The following MACF1 variants were observed in gnomAD, a reference collection of about 807,000 sequenced individuals.
MACF1 encodes microtubule actin crosslinking factor 1.
MACF1 carries 193 observed loss-of-function variants against 854.8 expected under a neutral mutation model. The observed-to-expected ratio is 0.23, with a 90% CI of 0.20 to 0.25. MACF1 has a LOEUF of 0.25. MACF1 is among the 10% of genes least tolerant of loss of function. MACF1 has a pLI of 1.00. For missense variants in MACF1, 7,722 were observed against 8,929.1 expected, an observed-to-expected ratio of 0.86 and a Z score of 5.45; for synonymous variants, 3,185 against 3,226.7, an observed-to-expected ratio of 0.99 and a Z score of 0.44.
intron 66 of MACF1, among the ~76,000 whole-genome samples, chr1:39,431,313 A>G (rs993331611): frequency 1.3e-5 from 2 of 152,260 alleles, no homozygotes; most frequent in Admixed American, 1.3e-4. Context: ...TATGCAAACC[A>G]AAATAGCAGA....
In MACF1 at chr1:39,455,110, C is replaced by G. The variant is rs369999308; in HGVS notation, c.21075+13C>G. The G allele has an allele frequency of 6.2e-7, 1 of 1,611,516 alleles. No individual in the cohort carries two copies. The highest frequency in any genetic ancestry group is 2.2e-5 in the East Asian group (1 of 44,854). ...CGCTGAGCATCAGGTATCTTAACCT[C>G]ACTGTGTGATCACTGGTGTTTTCCG... is the stretch of plus-strand genomic sequence containing the variant. On this transcript the variant is annotated intron_variant, in intron 89 of 100. Transcript: ENST00000564288.
At chr1:39,329,301 A>G (rs1338947207) in intron 36 of MACF1, among the ~76,000 whole-genome samples, 1 of 152,192 alleles carries the variant, frequency 6.6e-6, no homozygotes, top group Non-Finnish European at 1.5e-5. Context: ...TTCATTTGCT[A>G]TCCATTCTGT....
In MACF1 at chr1:39,362,963, A is replaced by G. The variant is rs528773963; in HGVS notation, c.12771+1286A>G. ...AACCCTAGTTCCCAGCAACTTTAATATATTTACTTATTTGTTTTATTCTAC... is the reference window on the plus strand; with the variant it reads ...AACCCTAGTTCCCAGCAACTTTAATGTATTTACTTATTTGTTTTATTCTAC... On this transcript the variant is annotated intron_variant, in intron 49 of 100. Coordinates refer to ENST00000564288, the MANE Select transcript of MACF1 (RefSeq NM_001394062.1). 4.6e-5 allele frequency among the ~76,000 whole-genome samples: 7 copies of G among 152,242 alleles called. No individual in the cohort carries two copies. The East Asian group carries it at 1.3e-3, about 29-fold the overall frequency.
chr1:39,120,314 G>A (rs1642666976), intron 2 of MACF1, among the ~76,000 whole-genome samples: 1 of 151,970 alleles, frequency 6.6e-6, no homozygotes, highest in African/African-American at 2.4e-5. Flanking sequence ...CCTGACTCCT[G>A]GAACTCCCTG....
At chr1:39,167,848 T>C in intron 2 of MACF1, among the ~76,000 whole-genome samples, 1 of 146,250 alleles carries the variant, frequency 6.8e-6, no homozygotes, top group East Asian at 2.0e-4. Context: ...CACTCCAGCC[T>C]GGGCAACAGG....
At chr1:39,410,587 G>A (rs1340568054) in intron 58 of MACF1, 7 of 1,614,050 alleles carry the variant, frequency 4.3e-6, no homozygotes, top group Non-Finnish European at 5.9e-6. Flanking sequence ...AAGCAGTGAT[G>A]TGCAGAAGTC....
At chr1:39,327,071 A>C in intron 35 of MACF1, 147 bp from the exon 36 acceptor site, 5 of 716,122 alleles carry the variant, frequency 7.0e-6, no homozygotes, top group Non-Finnish European at 8.9e-6. Flanking sequence ...GATAAACAGA[A>C]GAACTGACTG....
rs12084104 is a variant in MACF1, at chr1:39,252,989, C to T, written c.357+1048C>T. 4.8e-3 allele frequency among the ~76,000 whole-genome samples: 737 copies of T among 152,250 alleles called. 5 individuals are homozygous for T. The highest frequency in any genetic ancestry group is 0.017 in the African/African-American group (710 of 41,548). On this transcript the variant is annotated intron_variant, in intron 4 of 100. Coordinates refer to ENST00000564288, the MANE Select transcript of MACF1 (RefSeq NM_001394062.1). ...TCTGCAGACACCCGCAACAGAGCTA[C>T]CTTATATTTTATCAGCCTTTAATTA...
intron 2 of MACF1, among the ~76,000 whole-genome samples, chr1:39,179,744 G>A (rs1644079702): frequency 6.6e-6 from 1 of 152,164 alleles, no homozygotes; most frequent in African/African-American, 2.4e-5. Flanking sequence ...GCCAGGCGCG[G>A]TGGCTCATGT....
intron 44 of MACF1, among the ~76,000 whole-genome samples, 176 bp downstream of exon 44, chr1:39,353,407 T>C (rs78252095): frequency 6.6e-6 from 1 of 152,314 alleles, no homozygotes; most frequent in East Asian, 1.9e-4. Flanking sequence ...TCCCTTGGTT[T>C]CCATAATACT....
At chr1:39,482,148 G>T (rs766615315) in intron 99 of MACF1, among the ~76,000 whole-genome samples, 6 of 151,982 alleles carry the variant, frequency 3.9e-5, no homozygotes, top group African/African-American at 1.5e-4. Flanking sequence ...ATTTCATTTT[G>T]AGGCTTCATC....
At chr1:39,301,679 A>G (rs1221273532) in intron 22 of MACF1, among the ~76,000 whole-genome samples, 1 of 135,866 alleles carries the variant, frequency 7.4e-6, no homozygotes, top group Non-Finnish European at 1.6e-5. Flanking sequence ...CCTGCCTCAG[A>G]CTCCCAAAGT....
intron 1 of MACF1, among the ~76,000 whole-genome samples, chr1:39,219,051 G>C (rs1284449772): frequency 3.3e-5 from 5 of 152,210 alleles, no homozygotes; most frequent in Non-Finnish European, 5.9e-5. Context: ...AAAGTGCTGG[G>C]ATTACAGGCA....
At position 39,333,333 on chromosome 1, in the gene MACF1, A is replaced by T; in HGVS notation, c.6745A>T (p.Ile2249Phe). The T allele has an allele frequency of 3.7e-6, 6 of 1,614,104 alleles. No individual in the cohort carries two copies. The highest frequency in any genetic ancestry group is 5.1e-6 in the Non-Finnish European group (6 of 1,180,032). ...TAAAGAAAGTCAAGAAGCACAGAAC[A>T]TCGCAGGTGGTAGTATGATGATGTC... Reference protein sequence around the residue: ...DHKESQEAQNIAGGSMMMSEK... With the variant: ...DHKESQEAQNFAGGSMMMSEK... Residue 2249 changes from isoleucine to phenylalanine, a missense_variant, in exon 37 of 101, where the codon ATC becomes TTC. Transcript: ENST00000564288.
At chr1:39,136,770 A>G (rs1056529140) in intron 2 of MACF1, among the ~76,000 whole-genome samples, 8 of 152,214 alleles carry the variant, frequency 5.3e-5, no homozygotes, top group African/African-American at 1.9e-4. Flanking sequence ...ATATGTACAT[A>G]TTACTAAAGA....
intron 2 of MACF1, among the ~76,000 whole-genome samples, chr1:39,182,579 A>G (rs1333142747): frequency 2.0e-5 from 3 of 152,230 alleles, no homozygotes; most frequent in African/African-American, 7.2e-5. Flanking sequence ...AAGATATACA[A>G]ATGGCTAATA....
chr1:39,198,266 T>TGG (rs1644347216), intron 2 of MACF1, among the ~76,000 whole-genome samples: 2 of 152,066 alleles, frequency 1.3e-5, no homozygotes, highest in South Asian at 4.2e-4. Flanking sequence ...CCCAGCAGTT[T>TGG]GGGAGGCCCA....
At chr1:39,101,848 AAGGG>A (rs917398568) in intron 2 of MACF1, among the ~76,000 whole-genome samples, 2 of 143,230 alleles carry the variant, frequency 1.4e-5, no homozygotes, top group African/African-American at 5.1e-5. Flanking sequence ...GAAAGAAAGA[AAGGG>A]AGGGAGGGAG....
rs1242104856 is a variant in MACF1, at chr1:39,374,141, C to T, written c.13213+1545C>T. Among the ~76,000 whole-genome samples the T allele has an allele frequency of 3.3e-5, 5 of 151,880 alleles. No individual in the cohort carries two copies. The South Asian group carries it at 1.0e-3, about 32-fold the overall frequency. On this transcript the variant is annotated intron_variant, in intron 52 of 100. Coordinates refer to ENST00000564288, the MANE Select transcript of MACF1 (RefSeq NM_001394062.1). ...CCTGTAATCCTAGCTACTCAGGAGG[C>T]TGATGTGGGAGAACTGCTTGAACCC...
Sources: gnomAD v4.1 joint callset for allele counts (sites outside exome capture counted in the v4.1 genomes callset) on GRCh38, gnomAD v4.1.1 for gene constraint, MANE v1.5 for transcripts, NCBI Gene and HGNC (gene_info 2026-07-23, HGNC 2026-07-21) for gene names.